Variants in NKAIN2 observed in about 807,000 individuals in gnomAD.
The protein encoded by NKAIN2 is sodium/potassium-transporting ATPase subunit beta-1-interacting protein 2.
NKAIN2 carries 14 observed loss-of-function variants against 32.6 expected under a neutral mutation model. The observed-to-expected ratio is 0.43, with a 90% confidence interval of 0.28 to 0.67. NKAIN2 has a LOEUF of 0.67. NKAIN2 is among the 30% of genes least tolerant of loss of function. NKAIN2 has a pLI of 0.17. For missense variants in NKAIN2, 198 were observed against 258.3 expected, an observed-to-expected ratio of 0.77 and a Z score of 1.60; for synonymous variants, 80 against 87.2, an observed-to-expected ratio of 0.92 and a Z score of 0.46.
intron 4 of NKAIN2, among the ~76,000 whole-genome samples, chr6:124,684,715 T>A (rs1296034050): frequency 6.6e-6 from 1 of 152,170 alleles, no homozygotes; most frequent in Non-Finnish European, 1.5e-5. Context: ...CTCTGCAGCC[T>A]CATTCATTAG....
intron 4 of NKAIN2, among the ~76,000 whole-genome samples, chr6:124,740,129 GT>G (rs796914498): frequency 4.4e-4 from 64 of 145,630 alleles, no homozygotes; most frequent in South Asian, 8.7e-4. Flanking sequence ...GGTTGCCCCT[GT>G]TTTTTTTTTT....
intron 5 of NKAIN2, among the ~76,000 whole-genome samples, chr6:124,801,763 G>A (rs1217206135): frequency 6.6e-6 from 1 of 152,196 alleles, no homozygotes; most frequent in African/African-American, 2.4e-5. Flanking sequence ...AACTCATGCA[G>A]TTTAGAAGAG....
intron 1 of NKAIN2, among the ~76,000 whole-genome samples, chr6:124,142,744 G>A (rs1787206436): frequency 6.6e-6 from 1 of 152,034 alleles, no homozygotes; most frequent in African/African-American, 2.4e-5. Context: ...TAAATTAGGG[G>A]ATTACTATAT....
chr6:124,681,332 A>G (rs1159938058), intron 4 of NKAIN2, among the ~76,000 whole-genome samples: 1 of 152,042 alleles, frequency 6.6e-6, no homozygotes, highest in Non-Finnish European at 1.5e-5. Flanking sequence ...CCTCCCACTA[A>G]GAATATCATC....
intron 1 of NKAIN2, among the ~76,000 whole-genome samples, chr6:124,047,339 T>A (rs540964439): frequency 1.4e-4 from 22 of 151,994 alleles, no homozygotes; most frequent in Non-Finnish European, 2.9e-4. Context: ...TATTAGTCTT[T>A]TGTTGAAAGT....
At chr6:124,681,457 C>CTAAG (rs144430006) in intron 4 of NKAIN2, among the ~76,000 whole-genome samples, 2,652 of 152,076 alleles carry the variant, frequency 0.017, 68 homozygotes, top group African/African-American at 0.059. Context: ...TTCAAAATCT[C>CTAAG]TAAGTTCAGA....
chr6:124,357,711 G>C (rs1799052600), intron 3 of NKAIN2, among the ~76,000 whole-genome samples: 1 of 152,148 alleles, frequency 6.6e-6, no homozygotes, highest in Admixed American at 6.6e-5. Flanking sequence ...ATATTGGTAA[G>C]AGGTAATAAA....
chr6:124,522,253 A>G (rs1779144624), intron 3 of NKAIN2, among the ~76,000 whole-genome samples: 1 of 152,148 alleles, frequency 6.6e-6, no homozygotes, highest in Non-Finnish European at 1.5e-5. Context: ...TTCATGTAAA[A>G]CTGCTTTCAT....
chr6:124,090,475 G>A (rs900931897), intron 1 of NKAIN2, among the ~76,000 whole-genome samples: 3 of 151,934 alleles, frequency 2.0e-5, no homozygotes, highest in Admixed American at 2.0e-4. Context: ...TAGTAATGAA[G>A]CTTTACCATA....
chr6:123,930,447 G>C (rs1266487085), intron 1 of NKAIN2, among the ~76,000 whole-genome samples: 1 of 152,108 alleles, frequency 6.6e-6, no homozygotes, highest in African/African-American at 2.4e-5. Flanking sequence ...ACTGCATATG[G>C]AGTTATTAGT....
intron 4 of NKAIN2, among the ~76,000 whole-genome samples, chr6:124,726,990 G>T (rs1776357919): frequency 6.7e-6 from 1 of 149,796 alleles, no homozygotes; most frequent in African/African-American, 2.5e-5. Context: ...AATGAAGCAA[G>T]AAGGGAAGTT....
intron 1 of NKAIN2, among the ~76,000 whole-genome samples, chr6:124,008,324 CAAACACAATGT>C (rs138814441): frequency 0.01 from 1,565 of 152,082 alleles, 27 homozygotes; most frequent in African/African-American, 0.036. Context: ...TTTTACAAAC[CAAACACAATGT>C]AAACACTTTT....
chr6:123,934,459 TCA>T (rs370029593), intron 1 of NKAIN2, among the ~76,000 whole-genome samples: 71 of 152,280 alleles, frequency 4.7e-4, no homozygotes, highest in African/African-American at 1.6e-3. Context: ...CTCCTTTTCC[TCA>T]GTTTTTATAG....
At chr6:124,094,563 A>G (rs914438110) in intron 1 of NKAIN2, among the ~76,000 whole-genome samples, 1 of 152,156 alleles carries the variant, frequency 6.6e-6, no homozygotes, top group African/African-American at 2.4e-5. Context: ...ATCAGAGATC[A>G]GTAATTTGTT....
intron 2 of NKAIN2, among the ~76,000 whole-genome samples, chr6:124,344,196 T>C (rs1014683059): frequency 1.3e-5 from 2 of 152,188 alleles, no homozygotes; most frequent in African/African-American, 4.8e-5. Flanking sequence ...TCTATATCTC[T>C]GTTTTGGTAC....
chr6:124,596,513 C>T (rs1032383013), intron 3 of NKAIN2, among the ~76,000 whole-genome samples: 2 of 152,026 alleles, frequency 1.3e-5, no homozygotes, highest in South Asian at 4.2e-4. Flanking sequence ...CACAACTAGT[C>T]GATACATAAT....
chr6:124,209,119 T>TCGC (rs1791044191), intron 1 of NKAIN2, among the ~76,000 whole-genome samples: 1 of 151,506 alleles, frequency 6.6e-6, no homozygotes, highest in Admixed American at 6.6e-5. Context: ...TATACCCGCC[T>TCGC]CGCCGCTACT....
intron 1 of NKAIN2, among the ~76,000 whole-genome samples, chr6:123,877,018 C>T (rs1236054531): frequency 6.6e-6 from 1 of 152,132 alleles, no homozygotes; most frequent in East Asian, 1.9e-4. Context: ...GTTATCTTCT[C>T]ATTTCTAATA....
intron 3 of NKAIN2, among the ~76,000 whole-genome samples, chr6:124,407,405 C>G (rs902962597): frequency 6.7e-6 from 1 of 148,668 alleles, no homozygotes; most frequent in Non-Finnish European, 1.5e-5. Context: ...TCCTTGTGTT[C>G]TCATTGTTCA....
Sources: gnomAD v4.1 joint callset for allele counts (sites outside exome capture counted in the v4.1 genomes callset) on GRCh38, gnomAD v4.1.1 for gene constraint, MANE v1.5 for transcripts, NCBI Gene and HGNC (gene_info 2026-07-23, HGNC 2026-07-21) for gene names.